Variants in SLC39A14 observed in about 807,000 individuals in gnomAD.
SLC39A14 encodes metal cation symporter ZIP14.
In SLC39A14, 19 loss-of-function variants were observed where a neutral mutation model predicts 45.5. The ratio of observed to expected loss-of-function variants is 0.42; its 90% confidence interval spans 0.29 to 0.61. SLC39A14 has a LOEUF of 0.61. SLC39A14 is among the 20% of genes least tolerant of loss of function. The pLI, the probability that SLC39A14 is intolerant of heterozygous loss-of-function variation, is 0.22. For synonymous variants in SLC39A14, 264 were observed against 251.3 expected, an observed-to-expected ratio of 1.05 and a Z score of -0.48; for missense variants, 447 against 616.5, an observed-to-expected ratio of 0.73 and a Z score of 2.91.
chr8:22,415,730 G>A, intron 5 of SLC39A14, 39 bp from the exon 6 acceptor site: 1 of 1,590,288 alleles, frequency 6.3e-7, no homozygotes, highest in Non-Finnish European at 8.5e-7. Flanking sequence ...TTGTGGTTTT[G>A]GTGAATGTCA....
intron 1 of SLC39A14, among the ~76,000 whole-genome samples, chr8:22,380,004 AAC>A (rs1236642530): frequency 3.3e-5 from 5 of 152,304 alleles, no homozygotes; most frequent in East Asian, 3.9e-4. Flanking sequence ...CAAATAAAAA[AAC>A]ACAGTATAAA....
intron 1 of SLC39A14, among the ~76,000 whole-genome samples, chr8:22,399,581 C>G (rs1270203366): frequency 6.6e-6 from 1 of 152,208 alleles, no homozygotes; most frequent in African/African-American, 2.4e-5. Context: ...GCGTCAGTGC[C>G]CAGTGCAGCA....
At chr8:22,424,809 TTGA>T, downstream of SLC39A14, among the ~76,000 whole-genome samples, 1 of 152,206 alleles carries the variant, frequency 6.6e-6, no homozygotes, top group South Asian at 2.1e-4. Context: ...GGTGGATCAC[TTGA>T]TGTCAGGAGT....
intron 1 of SLC39A14, among the ~76,000 whole-genome samples, chr8:22,372,995 G>A (rs930920848): frequency 6.6e-6 from 1 of 152,152 alleles, no homozygotes; most frequent in East Asian, 1.9e-4. Flanking sequence ...CGGGCGCAGT[G>A]ACTCACACCT....
Position 22,412,162 on chromosome 8 carries a change from A to G in SLC39A14, c.583A>G (p.Ile195Val). 1 of 1,551,730 alleles carries G rather than the reference A, an allele frequency of 6.4e-7. No homozygotes were observed. Among genetic ancestry groups the G allele is most frequent in the Non-Finnish European group, 8.7e-7 (1 of 1,147,004 alleles). ...GCTGCTCTACTTCATAGCTCTGGCGATTGGAACCCTCTACTCCAACGCCCT... is the reference window on the plus strand; with the variant it reads ...GCTGCTCTACTTCATAGCTCTGGCGGTTGGAACCCTCTACTCCAACGCCCT... The part of the protein sequence containing the change: ...RLLLYFIALA[I>V]GTLYSNALFQ... Residue 195 changes from isoleucine (I) to valine (V), a missense_variant, in exon 4 of 9, where the codon ATT becomes GTT. Ile to Val is a conservative substitution (Grantham distance 29). This residue lies in a region of SLC39A14 where 342 missense variants were observed against 428.1 expected (regional missense o/e 0.80). Coordinates refer to ENST00000381237, the MANE Select transcript of SLC39A14 (RefSeq NM_001128431.4).
chr8:22,404,231 C>A (rs1193270500), intron 1 of SLC39A14, among the ~76,000 whole-genome samples: 1 of 152,052 alleles, frequency 6.6e-6, no homozygotes, highest in Non-Finnish European at 1.5e-5. Context: ...CGAGACCAGC[C>A]TGGCCAACAT....
chr8:22,419,471 T>G, intron 8 of SLC39A14, 81 bp from the exon 9 acceptor site: 3 of 1,391,050 alleles, frequency 2.2e-6, no homozygotes, highest in Non-Finnish European at 3.0e-6. Flanking sequence ...CAACCTGATC[T>G]ATATCTCCAT....
chr8:22,432,076 A>T (rs761017134), intron 8 of SLC39A14, among the ~76,000 whole-genome samples: 43 of 152,326 alleles, frequency 2.8e-4, no homozygotes, highest in Non-Finnish European at 5.0e-4. Flanking sequence ...CATGCCTCTA[A>T]TCCCAACACT....
intron 1 of SLC39A14, among the ~76,000 whole-genome samples, chr8:22,399,746 G>T (rs1292967675): frequency 6.6e-6 from 1 of 152,266 alleles, no homozygotes; most frequent in Non-Finnish European, 1.5e-5. Context: ...CTGAGGGGCC[G>T]AGGGGCCGCT....
rs910052417 is a variant in SLC39A14, at chr8:22,422,099, T to G, written c.*2401T>G. 9.1e-6 allele frequency: 9 copies of G among 985,336 alleles called. No homozygotes were observed. The highest frequency in any genetic ancestry group is 9.6e-6 in the Non-Finnish European group (8 of 829,946). The allele number at this position is 985,336 out of a possible 1,614,324, so 61.0% of individuals were successfully genotyped here. ...TGATTTTTAGTTGTTGAATTTGCTG[T>G]TTCAAGCATTTGTACATATTAGAAG... is the stretch of plus-strand genomic sequence containing the variant. On this transcript the variant is annotated 3_prime_UTR_variant, in exon 9 of 9. Coordinates refer to ENST00000381237, the MANE Select transcript of SLC39A14 (RefSeq NM_001128431.4).
rs1352479424 is a variant in SLC39A14 at position 22,420,449 on chromosome 8, A to C, written c.*751A>C. On this transcript the variant is annotated 3_prime_UTR_variant, in exon 9 of 9. Coordinates refer to ENST00000381237, the MANE Select transcript of SLC39A14 (RefSeq NM_001128431.4). ...TGCCTGGACCTCCTCTTTCAGGTTA[A>C]CGCTGACAGAATGGAGGCTCAGGCT... 1.2e-5 allele frequency: 12 copies of C among 985,332 alleles called. No individual in the cohort carries two copies. Among genetic ancestry groups the C allele is most frequent in the African/African-American group, 1.7e-5 (1 of 57,220 alleles). The allele number at this position is 985,332 out of a possible 1,614,324, so 61.0% of individuals were successfully genotyped here.
chr8:22,374,492 C>T (rs988756960), intron 1 of SLC39A14, among the ~76,000 whole-genome samples: 1 of 151,938 alleles, frequency 6.6e-6, no homozygotes, highest in Non-Finnish European at 1.5e-5. Context: ...ATCTTGAAAG[C>T]TAGGAAGCGG....
intron 1 of SLC39A14, among the ~76,000 whole-genome samples, chr8:22,395,213 T>C (rs933351228): frequency 6.6e-6 from 1 of 152,204 alleles, no homozygotes; most frequent in Non-Finnish European, 1.5e-5. Context: ...TTTCGCCATA[T>C]TGACCAGGTT....
At chr8:22,428,034 C>T (rs1836413144) in intron 8 of SLC39A14, among the ~76,000 whole-genome samples, 1 of 152,170 alleles carries the variant, frequency 6.6e-6, no homozygotes, top group South Asian at 2.1e-4. Flanking sequence ...TGCGGTAGCT[C>T]ACGCCTATAA....
intron 3 of SLC39A14, among the ~76,000 whole-genome samples, chr8:22,408,961 C>T (rs1386164614): frequency 6.6e-6 from 1 of 152,072 alleles, no homozygotes; most frequent in Admixed American, 6.6e-5. Flanking sequence ...GCTGGGACTA[C>T]AGGCGTGCAC....
At chr8:22,416,663 C>G (rs964606353) in intron 7 of SLC39A14, among the ~76,000 whole-genome samples, 1 of 151,682 alleles carries the variant, frequency 6.6e-6, no homozygotes, top group African/African-American at 2.4e-5. Context: ...TCTTGAACTC[C>G]TTACCTCGTG....
At chr8:22,371,298 T>C (rs1832914224) in intron 1 of SLC39A14, among the ~76,000 whole-genome samples, 1 of 151,954 alleles carries the variant, frequency 6.6e-6, no homozygotes, top group African/African-American at 2.4e-5. Context: ...AGAAGGTGAA[T>C]GCCCTACATT....
intron 1 of SLC39A14, 131 bp from the exon 2 acceptor site, chr8:22,404,565 A>C: frequency 1.3e-6 from 1 of 794,378 alleles, no homozygotes; most frequent in Non-Finnish European, 2.0e-6. Context: ...CTCAAAGGCT[A>C]ATTCAAGAAG....
At chr8:22,400,178 A>C (rs1403707462) in intron 1 of SLC39A14, among the ~76,000 whole-genome samples, 1 of 152,208 alleles carries the variant, frequency 6.6e-6, no homozygotes, top group Non-Finnish European at 1.5e-5. Flanking sequence ...TTAAGAAAGC[A>C]CTGAATTTAA....
Sources: gnomAD v4.1 joint callset for allele counts (sites outside exome capture counted in the v4.1 genomes callset) on GRCh38, gnomAD v4.1.1 for gene constraint, gnomAD v4.1.1 regional missense constraint, MANE v1.5 for transcripts, NCBI Gene and HGNC (gene_info 2026-07-23, HGNC 2026-07-21) for gene names.